The following COL4A1 variants were observed in gnomAD, a reference collection of about 807,000 sequenced individuals.
COL4A1 encodes collagen type IV alpha 1 chain.
COL4A1 carries 40 observed loss-of-function variants against 216.6 expected under a neutral mutation model. The observed-to-expected ratio is 0.18, with a 90% CI of 0.14 to 0.24. The LOEUF (loss-of-function observed/expected upper bound fraction) is 0.24, where lower values mean the gene tolerates loss of function less well. COL4A1 is among the 10% of genes least tolerant of loss of function. The pLI, the probability that COL4A1 is intolerant of heterozygous loss-of-function variation, is 1.00. For synonymous variants in COL4A1, 839 were observed against 810.7 expected (o/e 1.03, Z -0.59); for missense variants, 1,628 against 2,196.8 (o/e 0.74, Z 5.18).
chr13:110,165,025 T>C (rs988552105), intron 45 of COL4A1, 35 bp from the exon 46 acceptor site: 2 of 1,593,432 alleles, frequency 1.3e-6, no homozygotes, highest in African/African-American at 1.3e-5. Flanking sequence ...TCAATTTCAC[T>C]GTCCACATAC....
intron 1 of COL4A1, among the ~76,000 whole-genome samples, chr13:110,305,245 T>G (rs1884637849): frequency 6.6e-6 from 1 of 152,216 alleles, no homozygotes; most frequent in African/African-American, 2.4e-5. Flanking sequence ...CAAGGGACAC[T>G]GCAAAGACAG....
rs901229794 is a variant in COL4A1, at chr13:110,169,675, G to A, written c.3830C>T (p.Pro1277Leu). The A allele has an allele frequency of 3.7e-5, 60 of 1,613,964 alleles. No homozygotes were observed. The highest frequency in any genetic ancestry group is 4.8e-5 in the Non-Finnish European group (57 of 1,180,024). The change falls in exon 43 of 52, where the codon CCC becomes CTC. Residue 1277 changes from proline (P) to leucine (L), a missense_variant. This residue lies in a region of COL4A1 where 345 missense variants were observed against 476.9 expected (regional missense o/e 0.72). Transcript: ENST00000375820. ...DKGNPGWPGA[P>L]GVPGPKGDPG... ...GTCTCCCTTGGGCCCTGGGACACCG[G>A]GTGCTCCTGGCCAGCCTGGATTTCC... is the stretch of plus-strand genomic sequence containing the variant.
At chr13:110,288,293 A>AATG (rs1883929238) in intron 1 of COL4A1, among the ~76,000 whole-genome samples, 1 of 151,004 alleles carries the variant, frequency 6.6e-6, no homozygotes, top group Admixed American at 6.6e-5. Context: ...TAATAATAAT[A>AATG]ATAATTAAGC....
intron 1 of COL4A1, among the ~76,000 whole-genome samples, chr13:110,274,984 C>T (rs1456033290): frequency 6.6e-6 from 1 of 152,190 alleles, no homozygotes; most frequent in East Asian, 1.9e-4. Flanking sequence ...CGTCACCTTC[C>T]GCTCATTCCC....
chr13:110,205,311 T>C (rs772964600), intron 17 of COL4A1, 42 bp downstream of exon 17: 1 of 1,611,696 alleles, frequency 6.2e-7, no homozygotes, highest in Non-Finnish European at 8.5e-7. Context: ...TGGGTTGAAT[T>C]GGAAAGTGAA....
In COL4A1 at chr13:110,186,681, A is replaced by G. The variant is rs945045337; in HGVS notation, c.1729-128T>C. ...CTGGCTCACACTATTTATTTACTTC[A>G]TCTACCCTCCCAGGAGGGCCACCTT... On this transcript the variant is annotated intron_variant, in intron 25 of 51. Coordinates refer to ENST00000375820, the MANE Select transcript of COL4A1 (RefSeq NM_001845.6). The G allele has an allele frequency of 5.8e-6, 7 of 1,214,476 alleles. No individual in the cohort carries two copies. The South Asian group carries it at 7.4e-5, about 13-fold the overall frequency. The allele number at this position is 1,214,476 out of a possible 1,614,324, so 75.2% of individuals were successfully genotyped here.
chr13:110,252,536 ATATG>A (rs1395896602), intron 1 of COL4A1, among the ~76,000 whole-genome samples: 117 of 9,938 alleles, frequency 0.012, 55 homozygotes, highest in Admixed American at 0.051. Context: ...TTATACGTAT[ATATG>A]TATTATATAT....
intron 17 of COL4A1, among the ~76,000 whole-genome samples, chr13:110,203,940 G>C (rs1051050538): frequency 6.6e-6 from 1 of 151,862 alleles, no homozygotes; most frequent in Admixed American, 6.6e-5. Flanking sequence ...TGGCAACCAG[G>C]GTTTTTCAAT....
intron 1 of COL4A1, among the ~76,000 whole-genome samples, chr13:110,297,837 C>G (rs1884336241): frequency 1.3e-5 from 2 of 152,066 alleles, no homozygotes; most frequent in South Asian, 4.1e-4. Context: ...ATTTTAAAGG[C>G]CAAAAGCAAG....
intron 50 of COL4A1, 51 bp from the exon 51 acceptor site, chr13:110,152,557 G>A (rs751584334): frequency 2.5e-6 from 4 of 1,572,918 alleles, no homozygotes; most frequent in East Asian, 2.3e-5. Context: ...CCAAACACCA[G>A]GAAAGAGATC....
chr13:110,188,994 A>T (rs1195281227), intron 24 of COL4A1, among the ~76,000 whole-genome samples: 1 of 151,448 alleles, frequency 6.6e-6, no homozygotes, highest in Non-Finnish European at 1.5e-5. Context: ...AAATTAAATA[A>T]CACAAAAAAT....
chr13:110,175,115 G>A, intron 37 of COL4A1, 103 bp downstream of exon 37: 1 of 1,439,078 alleles, frequency 6.9e-7, no homozygotes, highest in Non-Finnish European at 9.8e-7. Context: ...CTCCCTGTGT[G>A]TTATGGCTCA....
intron 2 of COL4A1, among the ~76,000 whole-genome samples, chr13:110,233,157 A>T (rs76289502): frequency 0.019 from 2,853 of 152,228 alleles, 86 homozygotes; most frequent in African/African-American, 0.059. Context: ...GCATATTTTT[A>T]AAAAAATTCA....
chr13:110,201,172 A>G (rs570931063), intron 19 of COL4A1, among the ~76,000 whole-genome samples: 4 of 150,942 alleles, frequency 2.7e-5, no homozygotes, highest in African/African-American at 4.8e-5. Context: ...CTTCCAAAAT[A>G]TGGAGGAACA....
At chr13:110,165,735 G>A (rs1877309063) in intron 45 of COL4A1, among the ~76,000 whole-genome samples, 1 of 152,126 alleles carries the variant, frequency 6.6e-6, no homozygotes, top group African/African-American at 2.4e-5. Flanking sequence ...GAAGCAGGAT[G>A]AATACTGTGC....
chr13:110,205,460 A>G (rs1879459410), intron 16 of COL4A1, 34 bp downstream of exon 16: 1 of 1,614,030 alleles, frequency 6.2e-7, no homozygotes, highest in Non-Finnish European at 8.5e-7. Context: ...AGGAACAGTG[A>G]GCCTGCTTGT....
At chr13:110,277,879 G>C (rs1883486337) in intron 1 of COL4A1, among the ~76,000 whole-genome samples, 2 of 151,994 alleles carry the variant, frequency 1.3e-5, no homozygotes. Flanking sequence ...ATCTCCACTT[G>C]GCTTCATTTC....
intron 2 of COL4A1, among the ~76,000 whole-genome samples, chr13:110,230,917 G>A (rs532719346): frequency 1.3e-4 from 20 of 152,324 alleles, no homozygotes; most frequent in African/African-American, 4.1e-4. Context: ...TTTACCCAGG[G>A]CCTCTACATT....
rs765354001 is a variant in COL4A1, at chr13:110,179,350, C to G, written c.2265G>C (p.Gly755=). 8 of 1,614,142 alleles carry G rather than the reference C, an allele frequency of 5.0e-6. No individual in the cohort carries two copies. The South Asian group carries it at 8.8e-5, about 18-fold the overall frequency. The change falls in exon 30 of 52, where the codon GGG becomes GGC. Residue 755 remains glycine, a synonymous_variant. Transcript: ENST00000375820. ...CTGGTACCCCAATGCTCCCCTTCTCCCCGGGTGTGCCAGGAATGCCGGGAA... is the reference window on the plus strand; with the variant it reads ...CTGGTACCCCAATGCTCCCCTTCTCGCCGGGTGTGCCAGGAATGCCGGGAA... The part of the protein sequence containing the change: ...PGLPGIPGTP[G]EKGSIGVPGV...
Sources: allele counts gnomAD v4.1 joint callset (sites outside exome capture counted in the v4.1 genomes callset), GRCh38; gene constraint gnomAD v4.1.1; regional missense constraint gnomAD v4.1.1; transcripts MANE v1.5; gene names NCBI Gene and HGNC (gene_info 2026-07-23, HGNC 2026-07-21).